The following HDAC4 variants were observed in gnomAD, a reference collection of about 807,000 sequenced individuals.
The protein encoded by HDAC4 is histone deacetylase A.
A neutral mutation model predicts 135.1 loss-of-function variants in HDAC4; 16 were observed. That is an observed-to-expected ratio of 0.12 (90% CI 0.08 to 0.18). The LOEUF is 0.18. Ranked by LOEUF, HDAC4 falls within the 10% of genes least tolerant of loss-of-function variation. The pLI, the probability that HDAC4 is intolerant of heterozygous loss-of-function variation, is 1.00. For synonymous variants in HDAC4, 685 were observed against 653.4 expected (o/e 1.05, Z -0.74); for missense variants, 1,143 against 1,511.8 (o/e 0.76, Z 4.05).
At chr2:239,134,790 A>G in intron 9 of HDAC4, 147 bp from the exon 10 acceptor site, 3 of 715,614 alleles carry the variant, frequency 4.2e-6, no homozygotes, top group Non-Finnish European at 7.6e-6. Flanking sequence ...CAGCAATGAG[A>G]GCATGAGATT....
rs138928654 is a variant in HDAC4, at chr2:239,365,616, A to C, written c.-219-12698T>G. On this transcript the variant is annotated intron_variant, in intron 1 of 26. Transcript: ENST00000543185. The stretch of plus-strand genomic sequence containing the variant: ...CACACTTGCACAGGCCAGGGTCATC[A>C]GGGTCATGCATGTGGCACCGAGGGA... 4.6e-5 allele frequency among the ~76,000 whole-genome samples: 7 copies of C among 152,332 alleles called. No homozygotes were observed. The East Asian group carries it at 1.4e-3, about 29-fold the overall frequency.
At chr2:239,316,134 G>GT (rs2053104046) in intron 2 of HDAC4, among the ~76,000 whole-genome samples, 2 of 152,176 alleles carry the variant, frequency 1.3e-5, no homozygotes, top group African/African-American at 4.8e-5. Context: ...AAATCAGCAA[G>GT]TAAGTAATAC....
At chr2:239,229,711 G>A (rs540194333) in intron 3 of HDAC4, among the ~76,000 whole-genome samples, 2 of 152,142 alleles carry the variant, frequency 1.3e-5, no homozygotes, top group African/African-American at 4.8e-5. Context: ...AGACTGAAAG[G>A]TTTTCTGACT....
intron 13 of HDAC4, among the ~76,000 whole-genome samples, chr2:239,113,065 A>C (rs532968606): frequency 1.3e-5 from 2 of 152,298 alleles, no homozygotes; most frequent in South Asian, 2.1e-4. Context: ...TCTCTCCAAA[A>C]AAACAAACAA....
chr2:239,177,131 T>A (rs1183669030), intron 4 of HDAC4, among the ~76,000 whole-genome samples: 2 of 152,148 alleles, frequency 1.3e-5, no homozygotes, highest in Non-Finnish European at 2.9e-5. Context: ...TCAAAGAGAA[T>A]ACCACCTAAC....
rs375093171 is a variant in HDAC4 at position 239,094,574 on chromosome 2, C to T, written c.2280+436G>A. 12 of 1,115,918 alleles carry T rather than the reference C, an allele frequency of 1.1e-5. No individual in the cohort carries two copies. In the African/African-American group the frequency reaches 1.3e-4, roughly 12 times the overall value. The allele number at this position is 1,115,918 out of a possible 1,614,324, so 69.1% of individuals were successfully genotyped here. A position where few individuals can be genotyped will look rare whatever the true frequency, so the allele number is the denominator to read the frequency against. On this transcript the variant is annotated intron_variant, in intron 17 of 26. Transcript: ENST00000543185. ...CCAGCGAGTAGCCCTACAGACTCCA[C>T]GTGGCCCATGAGTATCACGGTCACT... is the stretch of plus-strand genomic sequence containing the variant.
Position 239,048,633 on chromosome 2 carries a change from C to G in HDAC4, c.*4464G>C, listed in dbSNP as rs1366612462. ...CATTCTCATCAATTGGAAAATAGCG[C>G]CTCCACTATGGAGCACACACGGCAA... is the stretch of plus-strand genomic sequence containing the variant. On this transcript the variant is annotated 3_prime_UTR_variant, in exon 27 of 27. Coordinates refer to ENST00000543185, the MANE Select transcript of HDAC4 (RefSeq NM_001378414.1). The G allele has an allele frequency of 6.6e-6, 1 of 151,918 alleles. No homozygotes were observed. The highest frequency in any genetic ancestry group is 1.5e-5 in the Non-Finnish European group (1 of 68,016). 9.4% of individuals were successfully genotyped at this position (151,918 alleles called of 1,614,324 possible). A position where few individuals can be genotyped will look rare whatever the true frequency, so the allele number is the denominator to read the frequency against.
chr2:239,310,087 C>A (rs2052798516), intron 2 of HDAC4, among the ~76,000 whole-genome samples: 1 of 152,252 alleles, frequency 6.6e-6, no homozygotes, highest in African/African-American at 2.4e-5. Flanking sequence ...TAGAGGTGCT[C>A]AGAATCAAAC....
chr2:239,084,465 G>GCACACACACA (rs78087978), intron 19 of HDAC4, among the ~76,000 whole-genome samples: 2 of 107,970 alleles, frequency 1.9e-5, no homozygotes, highest in Admixed American at 9.9e-5. Context: ...GCGTGCGCGC[G>GCACACACACA]CACACACACA....
chr2:239,394,618 G>A (rs996735217), intron 1 of HDAC4, among the ~76,000 whole-genome samples: 3 of 152,202 alleles, frequency 2.0e-5, no homozygotes, highest in African/African-American at 7.2e-5. Context: ...TTAGGAGCAT[G>A]TAATCTCCAA....
chr2:239,352,088 C>T lies in HDAC4; in HGVS notation c.22+590G>A, dbSNP rs532261340. On this transcript the variant is annotated intron_variant, in intron 2 of 26. Coordinates refer to ENST00000543185, the MANE Select transcript of HDAC4 (RefSeq NM_001378414.1). This position sits in a 1 kb window ranked among gnomAD's most constrained non-coding sequence, Gnocchi z 4.4. The stretch of plus-strand genomic sequence containing the variant: ...CTCAGAGCAGGACAAGCTTGCTTCC[C>T]AATCATGTGGGTCCCCCACCTACCA... Among the ~76,000 whole-genome samples the T allele has an allele frequency of 1.2e-3, 189 of 152,300 alleles. No homozygotes were observed. The highest frequency in any genetic ancestry group is 4.4e-3 in the African/African-American group (183 of 41,568).
At chr2:239,055,939 C>T (rs536417871) in intron 24 of HDAC4, among the ~76,000 whole-genome samples, 4 of 152,194 alleles carry the variant, frequency 2.6e-5, no homozygotes, top group Admixed American at 6.5e-5. Context: ...GACGGGTGAG[C>T]GAGGACAGAC....
chr2:239,053,309 G>C, intron 26 of HDAC4, 151 bp downstream of exon 26: 2 of 1,293,314 alleles, frequency 1.5e-6, no homozygotes, highest in East Asian at 2.3e-5. Context: ...GTCTCTAAGG[G>C]GCTTTGGCAC....
chr2:239,089,199 G>A (rs1047400013), intron 18 of HDAC4, among the ~76,000 whole-genome samples: 6 of 152,206 alleles, frequency 3.9e-5, no homozygotes, highest in Non-Finnish European at 7.3e-5. Context: ...TTCCAATTAC[G>A]TATCTGTGTG....
rs765981179 is a variant in HDAC4 at position 239,053,551 on chromosome 2, G to A, written c.3139C>T (p.Leu1047=). The A allele has an allele frequency of 1.9e-6, 3 of 1,613,890 alleles. No individual in the cohort carries two copies. Among genetic ancestry groups the A allele is most frequent in the Non-Finnish European group, 2.5e-6 (3 of 1,180,020 alleles). The change falls in exon 26 of 27, where the codon CTG becomes TTG. Residue 1047 remains leucine, a synonymous_variant. Coordinates refer to ENST00000543185, the MANE Select transcript of HDAC4 (RefSeq NM_001378414.1). ...QRTTSTAGRS[L]IEAQTCENEE... ...TTCTCGCAAGTCTGAGCCTCGATCA[G>A]AGAACGCCCCGCTGTGGAGGTTGTG...
chr2:239,145,322 C>A (rs538603454), intron 7 of HDAC4, among the ~76,000 whole-genome samples: 79 of 152,200 alleles, frequency 5.2e-4, no homozygotes, highest in Middle Eastern at 3.4e-3. Context: ...AGAGCCCATC[C>A]CAACATCTGC....
intron 1 of HDAC4, among the ~76,000 whole-genome samples, chr2:239,353,938 CATG>C (rs1693323310): frequency 1.3e-5 from 2 of 152,184 alleles, no homozygotes; most frequent in South Asian, 4.1e-4. Context: ...CCTCACGTAA[CATG>C]ATAACCTAAA....
chr2:239,055,360 G>C (rs887520298), intron 24 of HDAC4: 2 of 185,050 alleles, frequency 1.1e-5, no homozygotes, highest in Non-Finnish European at 2.3e-5. Flanking sequence ...GATAAAAGCA[G>C]GGAAGAAGTT....
intron 2 of HDAC4, among the ~76,000 whole-genome samples, chr2:239,321,414 G>A (rs1053420934): frequency 1.3e-4 from 18 of 135,280 alleles, no homozygotes; most frequent in Admixed American, 3.5e-4. Context: ...GCAGCGAGCC[G>A]AGATAGCGCC....
Sources: allele counts gnomAD v4.1 joint callset (sites outside exome capture counted in the v4.1 genomes callset), GRCh38; gene constraint gnomAD v4.1.1; non-coding constraint Gnocchi (gnomAD v3.1); transcripts MANE v1.5; gene names NCBI Gene and HGNC (gene_info 2026-07-23, HGNC 2026-07-21).